The following TMTC1 variants were observed in gnomAD, a reference collection of about 807,000 sequenced individuals.
TMTC1 encodes the protein protein O-mannosyl-transferase TMTC1.
A neutral mutation model predicts 104.8 loss-of-function variants in TMTC1; 73 were observed. The ratio of observed to expected loss-of-function variants is 0.70; its 90% CI spans 0.58 to 0.85. The LOEUF (loss-of-function observed/expected upper bound fraction) is 0.85, where lower values mean the gene tolerates loss of function less well. Among genes scored for constraint, TMTC1 ranks in the 40% least tolerant of loss-of-function variants. The pLI is 0.00. For synonymous variants in TMTC1, 434 were observed against 428.7 expected, an observed-to-expected ratio of 1.01 and a Z score of -0.15; for missense variants, 1,035 against 1,096.1, an observed-to-expected ratio of 0.94 and a Z score of 0.79.
At chr12:29,510,141 T>A (rs368880480) in intron 17 of TMTC1, among the ~76,000 whole-genome samples, 1 of 152,172 alleles carries the variant, frequency 6.6e-6, no homozygotes, top group East Asian at 1.9e-4. Context: ...CTAGATGAAA[T>A]AGTTTACTAC....
intron 5 of TMTC1, among the ~76,000 whole-genome samples, chr12:29,710,680 T>G (rs1441339845): frequency 7.1e-6 from 1 of 141,060 alleles, no homozygotes; most frequent in African/African-American, 2.6e-5. Flanking sequence ...TATTTATATA[T>G]TTATAATTTT....
At chr12:29,766,955 T>TA (rs1743628613) in intron 2 of TMTC1, among the ~76,000 whole-genome samples, 1 of 52,592 alleles carries the variant, frequency 1.9e-5, no homozygotes, top group Admixed American at 3.3e-4. Flanking sequence ...CTATCAATAC[T>TA]TTTTTTTTTT....
chr12:29,598,783 C>A (rs1447742744), intron 7 of TMTC1, among the ~76,000 whole-genome samples: 1 of 152,102 alleles, frequency 6.6e-6, no homozygotes, highest in African/African-American at 2.4e-5. Flanking sequence ...AATTTTGTAT[C>A]CTGCAACGCT....
chr12:29,660,647 A>G (rs533556917), intron 5 of TMTC1, among the ~76,000 whole-genome samples: 1 of 152,254 alleles, frequency 6.6e-6, no homozygotes, highest in East Asian at 1.9e-4. Context: ...GCTTTGTAAC[A>G]TTACGGCATG....
At chr12:29,669,505 G>C (rs1344230272) in intron 5 of TMTC1, among the ~76,000 whole-genome samples, 2 of 152,138 alleles carry the variant, frequency 1.3e-5, no homozygotes, top group Non-Finnish European at 2.9e-5. Flanking sequence ...AGCCTCAAGG[G>C]GGACATGGTG....
rs1945507411 is a variant in TMTC1 at position 29,566,139 on chromosome 12, G to A, written c.1532+5966C>T. ...TGGGGTGGCCCAGGGAGGCCTCATG[G>A]AGAAGCCGATGACACATATGAGGAG... On this transcript the variant is annotated intron_variant, in intron 9 of 17. Transcript: ENST00000539277. Among the ~76,000 whole-genome samples, 7 of 152,200 alleles carry A rather than the reference G, an allele frequency of 4.6e-5. No individual in the cohort carries two copies. The South Asian group carries it at 1.2e-3, about 27-fold the overall frequency.
chr12:29,699,574 G>T (rs74078972), intron 5 of TMTC1, among the ~76,000 whole-genome samples: 19,599 of 149,844 alleles, frequency 0.13, 1,489 homozygotes, highest in Middle Eastern at 0.25. Context: ...AAAACTTCCA[G>T]AATTGTATTC....
intron 5 of TMTC1, among the ~76,000 whole-genome samples, chr12:29,699,203 T>G (rs1334129930): frequency 6.6e-6 from 1 of 152,160 alleles, no homozygotes. Flanking sequence ...TAGGTAACAG[T>G]TGTGCAGAGG....
intron 10 of TMTC1, among the ~76,000 whole-genome samples, chr12:29,540,909 G>A (rs1288421551): frequency 6.6e-6 from 1 of 151,918 alleles, no homozygotes; most frequent in African/African-American, 2.4e-5. Flanking sequence ...GCAGGAGAAT[G>A]GCGTGAACCT....
intron 5 of TMTC1, among the ~76,000 whole-genome samples, chr12:29,706,825 G>A (rs932028413): frequency 1.3e-5 from 2 of 152,118 alleles, no homozygotes; most frequent in Non-Finnish European, 2.9e-5. Context: ...ACACCATTTT[G>A]TTGGGGGTGA....
intron 5 of TMTC1, among the ~76,000 whole-genome samples, chr12:29,738,178 A>G (rs1942731295): frequency 6.6e-6 from 1 of 152,180 alleles, no homozygotes; most frequent in African/African-American, 2.4e-5. Flanking sequence ...CAGTTAATTC[A>G]ACTTTTTACT....
chr12:29,601,542 G>A (rs1229669070), intron 7 of TMTC1, among the ~76,000 whole-genome samples: 1 of 152,134 alleles, frequency 6.6e-6, no homozygotes, highest in African/African-American at 2.4e-5. Context: ...ACTATGTGTA[G>A]ATTTTCTTCT....
intron 5 of TMTC1, among the ~76,000 whole-genome samples, chr12:29,663,698 G>GTTTTTTTTTTTTTTT: frequency 8.5e-6 from 1 of 118,018 alleles, no homozygotes; most frequent in Non-Finnish European, 1.9e-5. Context: ...TGTACTTTTA[G>GTTTTTTTTTTTTTTT]TAGAGACAGG....
chr12:29,774,953 A>G (rs775054215), intron 1 of TMTC1, among the ~76,000 whole-genome samples: 2 of 152,198 alleles, frequency 1.3e-5, no homozygotes, highest in African/African-American at 2.4e-5. Context: ...TTATCTGGCT[A>G]TGAGGAAGCT....
intron 11 of TMTC1, chr12:29,534,889 A>G (rs1214993717): frequency 1.3e-5 from 2 of 152,068 alleles, no homozygotes; most frequent in African/African-American, 4.8e-5. Context: ...AGTAGAGAAC[A>G]TGATGGGCTG....
At chr12:29,749,320 A>G (rs1405112514) in intron 5 of TMTC1, among the ~76,000 whole-genome samples, 1 of 152,184 alleles carries the variant, frequency 6.6e-6, no homozygotes, top group Non-Finnish European at 1.5e-5. Flanking sequence ...AATTTATTGA[A>G]AATGTTCCAT....
At chr12:29,728,019 G>A (rs191619303) in intron 5 of TMTC1, among the ~76,000 whole-genome samples, 5 of 152,254 alleles carry the variant, frequency 3.3e-5, no homozygotes, top group East Asian at 1.9e-4. Flanking sequence ...TATCTTCTGC[G>A]CGCCCAATAG....
chr12:29,784,663 T>C (rs1479777444), upstream of TMTC1: 1 of 152,276 alleles, frequency 6.6e-6, no homozygotes, highest in Non-Finnish European at 1.5e-5. Context: ...GAGTTTTGGT[T>C]TGGGCCTGGG....
At chr12:29,656,318 G>T (rs1042940944) in intron 5 of TMTC1, among the ~76,000 whole-genome samples, 1 of 114,776 alleles carries the variant, frequency 8.7e-6, no homozygotes, top group African/African-American at 3.6e-5. Context: ...AAATTTCCCT[G>T]GATATATATA....
Sources: gnomAD v4.1 joint callset for allele counts (sites outside exome capture counted in the v4.1 genomes callset) on GRCh38, gnomAD v4.1.1 for gene constraint, MANE v1.5 for transcripts, NCBI Gene and HGNC (gene_info 2026-07-23, HGNC 2026-07-21) for gene names.